Variants in AK6 observed in about 807,000 individuals in gnomAD.
AK6 encodes adenylate kinase 6, also known as adenylate kinase isoenzyme 6.
AK6 carries 24 observed loss-of-function variants against 23.7 expected under a neutral mutation model. The observed-to-expected ratio is 1.01, with a 90% CI of 0.73 to 1.43. The LOEUF (loss-of-function observed/expected upper bound fraction) is 1.43. Ranked by LOEUF, AK6 falls within the 40% of genes most tolerant of loss-of-function variation. The probability of loss-of-function intolerance (pLI) is 0.00; values close to 1 mark genes in which losing one functional copy is unlikely to be tolerated. For synonymous variants in AK6, 73 were observed against 69.8 expected (o/e 1.05, Z -0.23); for missense variants, 191 against 199.1 (o/e 0.96, Z 0.24).
Position 69,351,961 on chromosome 5 carries a change from G to T in AK6, c.*100C>A. 3.9e-6 allele frequency: 4 copies of T among 1,038,106 alleles called. No homozygotes were observed. Among genetic ancestry groups the T allele is most frequent in the Non-Finnish European group, 5.5e-6 (4 of 727,278 alleles). 64.3% of individuals were successfully genotyped at this position (1,038,106 alleles called of 1,614,324 possible). A position where few individuals can be genotyped will look rare whatever the true frequency, so the allele number is the denominator to read the frequency against. On this transcript the variant is annotated 3_prime_UTR_variant, in exon 5 of 5. Transcript: ENST00000380822. ...TATATACTATCCACCTGCTGGTTCT[G>T]CAACATGATTTTAATAAAGTGTTAC...
At chr5:69,361,105 G>C (rs1323122156) in intron 2 of AK6, among the ~76,000 whole-genome samples, 1 of 152,190 alleles carries the variant, frequency 6.6e-6, no homozygotes, top group African/African-American at 2.4e-5. Flanking sequence ...GAGGAGTCTT[G>C]AGACTGGAAG....
At chr5:69,368,048 A>G (rs1395885416) in intron 1 of AK6, 1 of 152,128 alleles carries the variant, frequency 6.6e-6, no homozygotes, top group East Asian at 1.9e-4. Context: ...TGTTAAAATT[A>G]AGCAGTCTGA....
intron 1 of AK6, chr5:69,367,767 A>C (rs1762527835): frequency 6.6e-6 from 1 of 151,794 alleles, no homozygotes; most frequent in Admixed American, 6.6e-5. Context: ...CTAAGCTCAA[A>C]CTCCTGAGCT....
At chr5:69,355,120 T>C (rs190507647) in intron 4 of AK6, among the ~76,000 whole-genome samples, 30 of 152,338 alleles carry the variant, frequency 2.0e-4, no homozygotes, top group African/African-American at 4.1e-4. Context: ...TGAGCCACTG[T>C]GCCCGGCCGA....
At chr5:69,357,431 CATTT>C (rs1465566307) in intron 2 of AK6, among the ~76,000 whole-genome samples, 1 of 152,192 alleles carries the variant, frequency 6.6e-6, no homozygotes, top group Non-Finnish European at 1.5e-5. Context: ...AGGAATGATT[CATTT>C]GAGTTTGTTG....
At chr5:69,364,343 CTT>C (rs1473101688) in intron 2 of AK6, among the ~76,000 whole-genome samples, 2 of 150,824 alleles carry the variant, frequency 1.3e-5, no homozygotes, top group Admixed American at 6.6e-5. Flanking sequence ...AAAAGAGACA[CTT>C]ATAAATTTTT....
intron 4 of AK6, among the ~76,000 whole-genome samples, chr5:69,353,845 C>A (rs959539818): frequency 2.0e-5 from 3 of 152,176 alleles, no homozygotes; most frequent in African/African-American, 7.2e-5. Context: ...TCACAGCTCA[C>A]TGCAGCCTCA....
chr5:69,351,784 T>TA lies in AK6; in HGVS notation c.*276dup, dbSNP rs1761955275. ...TCTGCATTTTTTTCTGTAATAAACT[T>TA]AAAAGATATCCACCCATTTTGTCAG... On this transcript the variant is annotated 3_prime_UTR_variant, in exon 5 of 5. Transcript: ENST00000380822. 6.9e-6 allele frequency: 2 copies of TA among 289,536 alleles called. No homozygotes were observed. The highest frequency in any genetic ancestry group is 4.3e-5 in the African/African-American group (2 of 46,268). 17.9% of individuals were successfully genotyped at this position (289,536 alleles called of 1,614,324 possible). A position where few individuals can be genotyped will look rare whatever the true frequency, so the allele number is the denominator to read the frequency against.
chr5:69,358,581 ATG>A (rs1561215431), intron 2 of AK6, among the ~76,000 whole-genome samples: 1 of 149,110 alleles, frequency 6.7e-6, no homozygotes, highest in Non-Finnish European at 1.5e-5. Context: ...TCTAAAATAG[ATG>A]TGTTAACTTT....
At chr5:69,365,321 A>G (rs1259462201) in intron 2 of AK6, 1 of 1,614,154 alleles carries the variant, frequency 6.2e-7, no homozygotes, top group Non-Finnish European at 8.5e-7. Flanking sequence ...TTCTTCCCGC[A>G]GAAGTTGATG....
chr5:69,365,397 C>G (rs1762377762), intron 2 of AK6: 2 of 1,614,062 alleles, frequency 1.2e-6, no homozygotes. Context: ...AGGTGGCAAC[C>G]TAGGACCTGA....
chr5:69,363,513 G>A (rs977239411), intron 2 of AK6, among the ~76,000 whole-genome samples: 3 of 152,156 alleles, frequency 2.0e-5, no homozygotes, highest in South Asian at 2.1e-4. Flanking sequence ...GGCTGGGCGC[G>A]GTGGCCCACG....
At chr5:69,356,982 G>A (rs1762099955) in intron 2 of AK6, among the ~76,000 whole-genome samples, 1 of 152,160 alleles carries the variant, frequency 6.6e-6, no homozygotes. Context: ...CTTAGCCCCA[G>A]CCCTTAGGAG....
In AK6 at chr5:69,365,080, C is replaced by T. The variant is rs961787611; in HGVS notation, c.121+1423G>A. 7 of 1,613,912 alleles carry T rather than the reference C, an allele frequency of 4.3e-6. No individual in the cohort carries two copies. The highest frequency in any genetic ancestry group is 1.1e-5 in the South Asian group (1 of 91,078). On this transcript the variant is annotated intron_variant, in intron 2 of 4. Transcript: ENST00000380822. ...GTGGTAATAAGAATGTTTTTGGACC[C>T]GATTAATGATGGATTAATCAGAACA...
chr5:69,363,373 G>A (rs1183024870), intron 2 of AK6, among the ~76,000 whole-genome samples: 1 of 152,252 alleles, frequency 6.6e-6, no homozygotes, highest in Non-Finnish European at 1.5e-5. Context: ...GTTAAATTGA[G>A]TGAAAGTAAC....
Position 69,366,489 on chromosome 5 carries a change from A to C in AK6, c.121+14T>G, listed in dbSNP as rs748515237. 229 of 1,605,586 alleles carry C rather than the reference A, an allele frequency of 1.4e-4. 3 individuals are homozygous for C. The South Asian group carries it at 2.5e-3, about 17-fold the overall frequency. ...AAAAAAACAAAACAAATCTAACACCAAAGTGTCCCTTACCTTCTCGAGCTA... is the reference window on the plus strand; with the variant it reads ...AAAAAAACAAAACAAATCTAACACCCAAGTGTCCCTTACCTTCTCGAGCTA... On this transcript the variant is annotated intron_variant, in intron 2 of 4. Transcript: ENST00000380822.
chr5:69,364,962 T>G, intron 2 of AK6: 1 of 1,611,866 alleles, frequency 6.2e-7, no homozygotes, highest in South Asian at 1.1e-5. Flanking sequence ...ATCATAGTCA[T>G]CATCATCATC....
chr5:69,352,715 C>T (rs72773404), intron 4 of AK6, among the ~76,000 whole-genome samples: 19,294 of 152,176 alleles, frequency 0.13, 1,547 homozygotes, highest in Admixed American at 0.19. Context: ...ACTTCACATC[C>T]AGCAGGATGA....
chr5:69,368,218 G>A (rs967457479), intron 1 of AK6, among the ~76,000 whole-genome samples: 15 of 152,032 alleles, frequency 9.9e-5, no homozygotes, highest in African/African-American at 3.1e-4. Context: ...TTACATAAAT[G>A]ACAATACTAT....
Sources: gnomAD v4.1 joint callset for allele counts (sites outside exome capture counted in the v4.1 genomes callset) on GRCh38, gnomAD v4.1.1 for gene constraint, MANE v1.5 for transcripts, NCBI Gene and HGNC (gene_info 2026-07-23, HGNC 2026-07-21) for gene names.